ADAMTS20: variants seen among roughly 807,000 people sequenced by gnomAD.
ADAMTS20 encodes ADAM metallopeptidase with thrombospondin type 1 motif 20, also known as A disintegrin and metalloproteinase with thrombospondin motifs 20.
A neutral mutation model predicts 260.1 loss-of-function variants in ADAMTS20; 225 were observed. The ratio of observed to expected loss-of-function variants is 0.87; its 90% CI spans 0.78 to 0.97. ADAMTS20 has a LOEUF of 0.97. Ranked by LOEUF, ADAMTS20 falls within the 50% of genes least tolerant of loss-of-function variation. The pLI is 0.00. For synonymous variants in ADAMTS20, 802 were observed against 769.5 expected (o/e 1.04, Z -0.70); for missense variants, 2,400 against 2,337.7 (o/e 1.03, Z -0.55).
intron 37 of ADAMTS20, among the ~76,000 whole-genome samples, chr12:43,362,883 T>C (rs1939903704): frequency 1.3e-5 from 2 of 150,218 alleles, no homozygotes; most frequent in Admixed American, 1.3e-4. Context: ...TGCAGGCAAC[T>C]TCTAGAAGCT....
Position 43,492,525 on chromosome 12 carries a change from GTCATGGTGGGAAGGGTGAACA to G in ADAMTS20, c.1035_1055del (p.Val346_Asp352del). ...CATACCTAGTGATAAGAACAGCAGT[GTCATGGTGGGAAGGGTGAACA>G]TCATCAAGGTCATTCTGAGTTTGTT... On this transcript the variant is annotated inframe_deletion, in exon 6 of 39. Transcript: ENST00000389420. 1 of 1,613,856 alleles carries G rather than the reference GTCATGGTGGGAAGGGTGAACA, an allele frequency of 6.2e-7. No individual in the cohort carries two copies. Among genetic ancestry groups the G allele is most frequent in the Non-Finnish European group, 8.5e-7 (1 of 1,179,786 alleles).
At chr12:43,376,458 A>G (rs1035992750) in intron 33 of ADAMTS20, 66 bp downstream of exon 33, 1 of 1,526,054 alleles carries the variant, frequency 6.6e-7, no homozygotes, top group Non-Finnish European at 8.8e-7. Context: ...ACTACTACAG[A>G]TATTTATTTT....
At chr12:43,466,566 A>T (rs1942155786) in intron 9 of ADAMTS20, 86 bp downstream of exon 9, 1 of 1,299,648 alleles carries the variant, frequency 7.7e-7, no homozygotes, top group Admixed American at 2.2e-5. Context: ...GAAAAAGCTA[A>T]ACAGAAATTG....
At position 43,369,285 on chromosome 12, in the gene ADAMTS20, A is replaced by G. The variant is rs753785320; in HGVS notation, c.5538+5T>C. 6.7e-7 allele frequency: 1 copy of G among 1,484,518 alleles called. No individual in the cohort carries two copies. The highest frequency in any genetic ancestry group is 9.0e-7 in the Non-Finnish European group (1 of 1,116,778). 92.0% of individuals were successfully genotyped at this position (1,484,518 alleles called of 1,614,324 possible). On this transcript the variant is annotated splice_donor_5th_base_variant and intron_variant, in intron 37 of 38. Transcript: ENST00000389420. Reference sequence around the variant, plus strand: ...AAGAAAATTAATCAAACAAATATGAAATACCTGTGGGCATCTGAAAGCACT... The same window carrying G: ...AAGAAAATTAATCAAACAAATATGAGATACCTGTGGGCATCTGAAAGCACT...
chr12:43,388,060 G>A (rs1396120838), intron 29 of ADAMTS20, among the ~76,000 whole-genome samples: 4 of 151,978 alleles, frequency 2.6e-5, no homozygotes, highest in South Asian at 2.1e-4. Context: ...CTGGCATTCC[G>A]GGTGCCACGT....
At chr12:43,530,784 TGTAA>T (rs1308332985) in intron 3 of ADAMTS20, among the ~76,000 whole-genome samples, 1 of 152,098 alleles carries the variant, frequency 6.6e-6, no homozygotes, top group Non-Finnish European at 1.5e-5. Context: ...TTATACAATA[TGTAA>T]GTATTTTACC....
At chr12:43,396,312 T>A (rs1003127276) in intron 29 of ADAMTS20, among the ~76,000 whole-genome samples, 9 of 152,194 alleles carry the variant, frequency 5.9e-5, no homozygotes, top group Non-Finnish European at 1.0e-4. Flanking sequence ...TGAGGCATCA[T>A]GTAAAATAGT....
chr12:43,466,513 A>T (rs1452557204), intron 9 of ADAMTS20, 139 bp downstream of exon 9: 7 of 670,048 alleles, frequency 1.0e-5, no homozygotes, highest in East Asian at 8.6e-5. Flanking sequence ...TCTTGTTCTT[A>T]AACATCCATT....
chr12:43,511,032 T>C (rs750938452), intron 3 of ADAMTS20, among the ~76,000 whole-genome samples: 3 of 152,022 alleles, frequency 2.0e-5, no homozygotes, highest in Admixed American at 6.6e-5. Flanking sequence ...AACATTACCA[T>C]TGGGCTCCTC....
chr12:43,536,442 T>G (rs1447952083), intron 2 of ADAMTS20, among the ~76,000 whole-genome samples: 1 of 152,046 alleles, frequency 6.6e-6, no homozygotes, highest in Non-Finnish European at 1.5e-5. Flanking sequence ...TTCAAAGAAT[T>G]TATACTCCTA....
At chr12:43,413,440 A>G (rs777580002) in intron 28 of ADAMTS20, among the ~76,000 whole-genome samples, 3 of 152,164 alleles carry the variant, frequency 2.0e-5, no homozygotes, top group Non-Finnish European at 2.9e-5. Context: ...ACTGTGAGCA[A>G]GTCTTTTTCT....
rs182729001 is a variant in ADAMTS20, at chr12:43,357,864, C to T, written c.5539-1276G>A. 6.8e-4 allele frequency among the ~76,000 whole-genome samples: 103 copies of T among 152,174 alleles called. 1 individual carries two copies. The highest frequency in any genetic ancestry group is 2.2e-3 in the African/African-American group (93 of 41,512). On this transcript the variant is annotated intron_variant, in intron 37 of 38. Transcript: ENST00000389420. The stretch of plus-strand genomic sequence containing the variant: ...AAATACATATATAAAACTCTTCAGA[C>T]TCTGATAATGAATGACACTAAAACC...
Position 43,365,605 on chromosome 12 carries a change from C to T in ADAMTS20, c.5538+3685G>A, listed in dbSNP as rs11830893. 4.6e-3 allele frequency among the ~76,000 whole-genome samples: 702 copies of T among 151,942 alleles called. 6 individuals are homozygous for T. Among genetic ancestry groups the T allele is most frequent in the African/African-American group, 0.016 (665 of 41,528 alleles). On this transcript the variant is annotated intron_variant, in intron 37 of 38. Transcript: ENST00000389420. ...CAGAAATACTAAATGAGAAGGTTTA[C>T]GTAACAAACTCTATGAATATACAAT...
chr12:43,491,692 C>T (rs1286072333), intron 6 of ADAMTS20, among the ~76,000 whole-genome samples: 1 of 152,062 alleles, frequency 6.6e-6, no homozygotes. Context: ...ACAACCCTAG[C>T]AAAGGTAGCC....
chr12:43,413,057 C>G (rs1415198296), intron 28 of ADAMTS20, among the ~76,000 whole-genome samples: 1 of 152,034 alleles, frequency 6.6e-6, no homozygotes, highest in African/African-American at 2.4e-5. Flanking sequence ...GATCTGCCCG[C>G]CTTGGCCTCC....
At chr12:43,410,548 A>T (rs12367109) in intron 28 of ADAMTS20, among the ~76,000 whole-genome samples, 32,925 of 152,208 alleles carry the variant, frequency 0.22, 4,166 homozygotes, top group African/African-American at 0.34. Flanking sequence ...ATCAAAATTG[A>T]TTTGGAATTA....
intron 4 of ADAMTS20, among the ~76,000 whole-genome samples, chr12:43,494,949 T>G (rs1462498196): frequency 6.6e-6 from 1 of 152,188 alleles, no homozygotes; most frequent in Non-Finnish European, 1.5e-5. Context: ...CTGTGAAGAC[T>G]TCTGTGTCTC....
chr12:43,529,493 TC>T (rs1333326224), intron 3 of ADAMTS20, among the ~76,000 whole-genome samples: 2 of 152,146 alleles, frequency 1.3e-5, no homozygotes, highest in African/African-American at 2.4e-5. Context: ...TGAAATAATG[TC>T]CTTTGCAGCA....
At chr12:43,525,067 T>C (rs992547937) in intron 3 of ADAMTS20, among the ~76,000 whole-genome samples, 3 of 141,834 alleles carry the variant, frequency 2.1e-5, no homozygotes, top group East Asian at 3.9e-4. Context: ...TCATCATCAG[T>C]GCATATAGTC....
Sources: gnomAD v4.1 joint callset for allele counts (sites outside exome capture counted in the v4.1 genomes callset) on GRCh38, gnomAD v4.1.1 for gene constraint, MANE v1.5 for transcripts, NCBI Gene and HGNC (gene_info 2026-07-23, HGNC 2026-07-21) for gene names.